The following CAD variants were observed in gnomAD, a reference collection of about 807,000 sequenced individuals.
CAD encodes carbamoyl-phosphate synthetase 2, aspartate transcarbamylase, and dihydroorotase.
CAD carries 81 observed loss-of-function variants against 237.2 expected under a neutral mutation model. That is an observed-to-expected ratio of 0.34 (90% CI 0.29 to 0.41). The LOEUF (loss-of-function observed/expected upper bound fraction) is 0.41, where lower values mean the gene tolerates loss of function less well. Ranked by LOEUF, CAD falls within the 10% of genes least tolerant of loss-of-function variation. The probability of loss-of-function intolerance (pLI) is 1.00; values close to 1 mark genes in which losing one functional copy is unlikely to be tolerated. For missense variants in CAD, 2,181 were observed against 2,951.7 expected (o/e 0.74, Z 6.05); for synonymous variants, 1,196 against 1,162.8 (o/e 1.03, Z -0.58).
chr2:27,225,720 G>A lies in CAD; in HGVS notation c.1636G>A (p.Glu546Lys). The change falls in exon 12 of 44, where the codon GAA becomes AAA. Residue 546 changes from glutamate (E) to lysine (K), a missense_variant. Physicochemically the swap from Glu to Lys is moderately conservative, Grantham distance 56. This residue lies in a region of CAD where 174 missense variants were observed against 215.8 expected (regional missense o/e 0.81). Coordinates refer to ENST00000264705, the MANE Select transcript of CAD (RefSeq NM_004341.5). ...CTCATTGCAGGCCCAGGCAGCCGCT[G>A]AACGGCTGGGGTACCCTGTGCTAGT... is the stretch of plus-strand genomic sequence containing the variant. ...NSLEQAQAAAERLGYPVLVRA... is the reference protein window; with the variant it reads ...NSLEQAQAAAKRLGYPVLVRA... The A allele has an allele frequency of 2.5e-6, 4 of 1,613,746 alleles. No homozygotes were observed. Among genetic ancestry groups the A allele is most frequent in the Non-Finnish European group, 3.4e-6 (4 of 1,179,702 alleles).
At position 27,241,535 on chromosome 2, in the gene CAD, T is replaced by G; in HGVS notation, c.5883+139T>G. On this transcript the variant is annotated intron_variant, in intron 38 of 43. Coordinates refer to ENST00000264705, the MANE Select transcript of CAD (RefSeq NM_004341.5). The surrounding 1 kb of genome is among the most constrained non-coding windows in gnomAD (Gnocchi z 4.6). Reference sequence around the variant, plus strand: ...TTATGCTAGTCCATCCCTCTGCTGCTGTAGATCTTCCCCCACGTTTTCCCT... The same window carrying G: ...TTATGCTAGTCCATCCCTCTGCTGCGGTAGATCTTCCCCCACGTTTTCCCT... 2.4e-6 allele frequency: 2 copies of G among 837,676 alleles called. No individual in the cohort carries two copies. Among genetic ancestry groups the G allele is most frequent in the Non-Finnish European group, 3.9e-6 (2 of 515,158 alleles). 51.9% of individuals were successfully genotyped at this position (837,676 alleles called of 1,614,324 possible). A position where few individuals can be genotyped will look rare whatever the true frequency, so the allele number is the denominator to read the frequency against.
In CAD at chr2:27,237,411, C is replaced by G. The variant is rs1676066260; in HGVS notation, c.4429C>G (p.Pro1477Ala). The G allele has an allele frequency of 1.2e-6, 2 of 1,614,156 alleles. No homozygotes were observed. Among genetic ancestry groups the G allele is most frequent in the Non-Finnish European group, 1.7e-6 (2 of 1,179,988 alleles). ...TGATGTCCATGTGCACCTGCGGGAA[C>G]CAGGTGGGACACATAAGGAGGACTT... ...LIDVHVHLRE[P>A]GGTHKEDFAS... Residue 1477 changes from proline to alanine, a missense_variant, in exon 28 of 44, where the codon CCA becomes GCA. This residue lies in a region of CAD where 478 missense variants were observed against 515.0 expected (regional missense o/e 0.93). Transcript: ENST00000264705. The surrounding 1 kb of genome is among the most constrained non-coding windows in gnomAD (Gnocchi z 4.0).
In CAD at chr2:27,217,988, A is replaced by G; in HGVS notation, c.194A>G (p.Asp65Gly). Residue 65 changes from aspartate to glycine, a missense_variant, in exon 2 of 44, where the codon GAT becomes GGT. Coordinates refer to ENST00000264705, the MANE Select transcript of CAD (RefSeq NM_004341.5). ...ATCGGCAACTATGGCATCCCCCCAGATGAAATGGATGAGTTCGGTCTCTGC... is the reference window on the plus strand; with the variant it reads ...ATCGGCAACTATGGCATCCCCCCAGGTGAAATGGATGAGTTCGGTCTCTGC... ...PLIGNYGIPPDEMDEFGLCKW... is the reference protein window; with the variant it reads ...PLIGNYGIPPGEMDEFGLCKW... 4 of 1,611,148 alleles carry G rather than the reference A, an allele frequency of 2.5e-6. No individual in the cohort carries two copies. Among genetic ancestry groups the G allele is most frequent in the African/African-American group, 1.3e-5 (1 of 74,886 alleles).
chr2:27,225,613 T>C (rs1015862526), intron 11 of CAD, 92 bp from the exon 12 acceptor site: 9 of 971,026 alleles, frequency 9.3e-6, no homozygotes, highest in Non-Finnish European at 1.3e-5. Flanking sequence ...TGCCCAGCCA[T>C]GTTATTTTCT....
intron 8 of CAD, 126 bp from the exon 9 acceptor site, chr2:27,224,219 C>T: frequency 9.2e-7 from 1 of 1,084,224 alleles, no homozygotes; most frequent in East Asian, 2.5e-5. Flanking sequence ...GGGTTCTGGT[C>T]CTCCCTCTGC....
intron 3 of CAD, among the ~76,000 whole-genome samples, chr2:27,221,992 T>G (rs1446452159): frequency 1.3e-5 from 2 of 151,248 alleles, no homozygotes; most frequent in South Asian, 4.2e-4. Flanking sequence ...TGGATAGATT[T>G]AGAGTTGTTC....
chr2:27,241,490 C>G lies in CAD; in HGVS notation c.5883+94C>G. 1 of 1,171,832 alleles carries G rather than the reference C, an allele frequency of 8.5e-7. No homozygotes were observed. The highest frequency in any genetic ancestry group is 1.5e-5 in the African/African-American group (1 of 66,176). The allele number at this position is 1,171,832 out of a possible 1,614,324, so 72.6% of individuals were successfully genotyped here. On this transcript the variant is annotated intron_variant, in intron 38 of 43. Coordinates refer to ENST00000264705, the MANE Select transcript of CAD (RefSeq NM_004341.5). This position sits in a 1 kb window ranked among gnomAD's most constrained non-coding sequence, Gnocchi z 4.6. Reference sequence around the variant, plus strand: ...CGCAGTGGTCAGAGTGGGTCTTCCTCCCCCTGCCATCCCGTCCCCTTATGC... The same window carrying G: ...CGCAGTGGTCAGAGTGGGTCTTCCTGCCCCTGCCATCCCGTCCCCTTATGC...
In CAD at chr2:27,222,869, A is replaced by G; in HGVS notation, c.641A>G (p.Tyr214Cys). 6.2e-7 allele frequency: 1 copy of G among 1,613,974 alleles called. No homozygotes were observed. The highest frequency in any genetic ancestry group is 8.5e-7 in the Non-Finnish European group (1 of 1,180,002). Residue 214 changes from tyrosine (Y) to cysteine (C), a missense_variant, in exon 6 of 44, where the codon TAT (tyrosine) becomes TGT (cysteine). This residue lies in a region of CAD where 314 missense variants were observed against 339.4 expected (regional missense o/e 0.93). Transcript: ENST00000264705. ...PWDHALDSQE[Y>C]EGLFLSNGPG... ...TCATCTTTTCTGCCCACTCCAGAGTATGAGGGTCTCTTCTTAAGTAATGGG... is the reference window on the plus strand; with the variant it reads ...TCATCTTTTCTGCCCACTCCAGAGTGTGAGGGTCTCTTCTTAAGTAATGGG...
In CAD at chr2:27,233,951, A is replaced by T; in HGVS notation, c.3400-57A>T. 5.8e-6 allele frequency: 9 copies of T among 1,558,550 alleles called. No individual in the cohort carries two copies. The South Asian group carries it at 9.0e-5, about 16-fold the overall frequency. On this transcript the variant is annotated intron_variant, in intron 21 of 43. Transcript: ENST00000264705. The surrounding 1 kb of genome is among the most constrained non-coding windows in gnomAD (Gnocchi z 6.3). ...GCTCGTTAAAGGAAGAGACAATCCT[A>T]GAGTAAGTGAGAGAAGAAAGTGGCC...
Position 27,241,814 on chromosome 2 carries a change from A to G in CAD, c.5884-97A>G. On this transcript the variant is annotated intron_variant, in intron 38 of 43. Coordinates refer to ENST00000264705, the MANE Select transcript of CAD (RefSeq NM_004341.5). This position sits in a 1 kb window ranked among gnomAD's most constrained non-coding sequence, Gnocchi z 4.6. ...GGTTTGGGTGCAGAAGGGTCCTCAC[A>G]GCACCCCTCAAGTGTCAGTTGGGGT... 1.0e-6 allele frequency: 1 copy of G among 967,358 alleles called. No homozygotes were observed. Among genetic ancestry groups the G allele is most frequent in the East Asian group, 2.5e-5 (1 of 39,470 alleles). The allele number at this position is 967,358 out of a possible 1,614,324, so 59.9% of individuals were successfully genotyped here. A position where few individuals can be genotyped will look rare whatever the true frequency, so the allele number is the denominator to read the frequency against.
In CAD at chr2:27,242,509, C is replaced by A; in HGVS notation, c.6222+82C>A. 6.4e-7 allele frequency: 1 copy of A among 1,567,794 alleles called. No individual in the cohort carries two copies. Among genetic ancestry groups the A allele is most frequent in the Non-Finnish European group, 8.7e-7 (1 of 1,151,520 alleles). On this transcript the variant is annotated intron_variant, in intron 40 of 43. Coordinates refer to ENST00000264705, the MANE Select transcript of CAD (RefSeq NM_004341.5). The surrounding 1 kb of genome is among the most constrained non-coding windows in gnomAD (Gnocchi z 6.4). ...AGGAAGTGGTTACCCCGGTACAGGA[C>A]AGCTGCATCAAGGAGGCCTTCATTC...
Position 27,239,158 on chromosome 2 carries a change from G to A in CAD, c.5179G>A (p.Asp1727Asn), listed in dbSNP as rs776798629. The change falls in exon 32 of 44, where the codon GAC becomes AAC. Residue 1727 changes from aspartate to asparagine, a missense_variant. By Grantham distance (23) the Asp-to-Asn change is conservative (BLOSUM62 1). Transcript: ENST00000264705. This position sits in a 1 kb window ranked among gnomAD's most constrained non-coding sequence, Gnocchi z 4.0. ...AVSEGRLSLD[D>N]LLQRLHHNPR... ...AAGCGAGGGCCGGCTCAGCCTGGAC[G>A]ACCTGCTGCAGCGATTGCACCACAA... 6.8e-6 allele frequency: 11 copies of A among 1,613,356 alleles called. No homozygotes were observed. The African/African-American group carries it at 8.0e-5, about 12-fold the overall frequency.
In CAD at chr2:27,239,484, C is replaced by T; in HGVS notation, c.5394+13C>T. 6.2e-7 allele frequency: 1 copy of T among 1,612,256 alleles called. No individual in the cohort carries two copies. The highest frequency in any genetic ancestry group is 8.5e-7 in the Non-Finnish European group (1 of 1,179,036). ...TATCGATGGGCAGGTACGCAAGTAG[C>T]CCCTGCCTGATCTCAGTAGTGCCCT... On this transcript the variant is annotated intron_variant, in intron 33 of 43. Coordinates refer to ENST00000264705, the MANE Select transcript of CAD (RefSeq NM_004341.5). The surrounding 1 kb of genome is among the most constrained non-coding windows in gnomAD (Gnocchi z 4.0).
chr2:27,231,770 G>C lies in CAD; in HGVS notation c.2400+190G>C, dbSNP rs73921482. ...GTGTATTACTAGACTTGTTTTTACAGATGAGGAAACTGAGACATAGGTTAT... is the reference window on the plus strand; with the variant it reads ...GTGTATTACTAGACTTGTTTTTACACATGAGGAAACTGAGACATAGGTTAT... On this transcript the variant is annotated intron_variant, in intron 16 of 43. Transcript: ENST00000264705. Among the ~76,000 whole-genome samples, 9,641 of 152,284 alleles carry C rather than the reference G, an allele frequency of 0.063. 395 individuals carry two copies. The highest frequency in any genetic ancestry group is 0.11 in the African/African-American group (4,470 of 41,522).
rs1452687949 is a variant in CAD at position 27,240,801 on chromosome 2, G to A, written c.5594-110G>A. ...CTCCCCTAACCTGCTATATTACTGT[G>A]TTGTGAATTGGTTTAACATATACAC... is the stretch of plus-strand genomic sequence containing the variant. On this transcript the variant is annotated intron_variant, in intron 35 of 43. Coordinates refer to ENST00000264705, the MANE Select transcript of CAD (RefSeq NM_004341.5). The surrounding 1 kb of genome is among the most constrained non-coding windows in gnomAD (Gnocchi z 4.6). The A allele has an allele frequency of 7.7e-7, 1 of 1,302,852 alleles. No homozygotes were observed. The highest frequency in any genetic ancestry group is 1.5e-5 in the African/African-American group (1 of 68,870). 80.7% of individuals were successfully genotyped at this position (1,302,852 alleles called of 1,614,324 possible).
In CAD at chr2:27,232,213, T is replaced by C. The variant is rs1475870765; in HGVS notation, c.2634T>C (p.Leu878=). 7 of 1,613,954 alleles carry C rather than the reference T, an allele frequency of 4.3e-6. No individual in the cohort carries two copies. The highest frequency in any genetic ancestry group is 5.9e-6 in the Non-Finnish European group (7 of 1,180,032). The change falls in exon 17 of 44, where the codon CTT becomes CTC. Residue 878 remains leucine, a synonymous_variant. Coordinates refer to ENST00000264705, the MANE Select transcript of CAD (RefSeq NM_004341.5). The surrounding 1 kb of genome is among the most constrained non-coding windows in gnomAD (Gnocchi z 4.1). ...GCTTCTCAGACAAACAGATTGCCCT[T>C]GCAGTTCTGAGGTCAGAGGTGGCAA... The part of the protein sequence containing the change: ...CLGFSDKQIA[L]AVLSTELAVR...
intron 6 of CAD, among the ~76,000 whole-genome samples, 178 bp from the exon 7 acceptor site, chr2:27,223,385 C>T (rs140347272): frequency 0.011 from 1,699 of 149,732 alleles, 32 homozygotes; most frequent in African/African-American, 0.04. Flanking sequence ...GAGCGGAGAT[C>T]GTGCCATTGC....
Position 27,239,895 on chromosome 2 carries a change from G to A in CAD, c.5496+97G>A, listed in dbSNP as rs574144427. 7 of 906,738 alleles carry A rather than the reference G, an allele frequency of 7.7e-6. No individual in the cohort carries two copies. Among genetic ancestry groups the A allele is most frequent in the Middle Eastern group, 2.3e-4 (1 of 4,414 alleles). The allele number at this position is 906,738 out of a possible 1,614,324, so 56.2% of individuals were successfully genotyped here. A position where few individuals can be genotyped will look rare whatever the true frequency, so the allele number is the denominator to read the frequency against. ...CATTGGTGGTTCAGGAACAATTGGG[G>A]TTTTCTTGAGGGACTGAATTTGAAG... is the stretch of plus-strand genomic sequence containing the variant. On this transcript the variant is annotated intron_variant, in intron 34 of 43. Transcript: ENST00000264705. The surrounding 1 kb of genome is among the most constrained non-coding windows in gnomAD (Gnocchi z 4.0).
At chr2:27,220,236 C>T (rs574309137) in intron 2 of CAD, among the ~76,000 whole-genome samples, 4 of 152,014 alleles carry the variant, frequency 2.6e-5, no homozygotes, top group South Asian at 2.1e-4. Flanking sequence ...CATCATATGA[C>T]GTAAATAGCA....
Sources: allele counts gnomAD v4.1 joint callset (sites outside exome capture counted in the v4.1 genomes callset), GRCh38; gene constraint gnomAD v4.1.1; regional missense constraint gnomAD v4.1.1; non-coding constraint Gnocchi (gnomAD v3.1); transcripts MANE v1.5; gene names NCBI Gene and HGNC (gene_info 2026-07-23, HGNC 2026-07-21).